Variants in ZMIZ2 observed in about 807,000 individuals in gnomAD.
ZMIZ2 encodes zinc finger MIZ-type containing 2, also known as zinc finger MIZ domain-containing protein 2.
In ZMIZ2, 26 loss-of-function variants were observed where a neutral mutation model predicts 93.9. That is an observed-to-expected ratio of 0.28 (90% confidence interval 0.20 to 0.38). The LOEUF is 0.38. ZMIZ2 is among the 10% of genes least tolerant of loss of function. The pLI, the probability that ZMIZ2 is intolerant of heterozygous loss-of-function variation, is 1.00. For missense variants in ZMIZ2, 1,023 were observed against 1,235.0 expected (o/e 0.83, Z 2.57); for synonymous variants, 485 against 516.4 (o/e 0.94, Z 0.82).
In ZMIZ2 at chr7:44,760,540, C is replaced by G; in HGVS notation, c.1187C>G (p.Pro396Arg). The change falls in exon 9 of 19, where the codon CCC becomes CGC. Residue 396 changes from proline to arginine, a missense_variant. Around this residue, in one of 3 missense-constraint regions of ZMIZ2, gnomAD observed 656 missense variants for 777.1 expected, o/e 0.84. Coordinates refer to ENST00000309315, the MANE Select transcript of ZMIZ2 (RefSeq NM_031449.4). The part of the protein sequence containing the change: ...YMSPNQEVKS[P>R]FLPDLKPNLN... ...TCACCAAACCAAGAGGTCAAGTCTCCCTTCTTGCCTGATCTCAAGCCCAAC... is the reference window on the plus strand; with the variant it reads ...TCACCAAACCAAGAGGTCAAGTCTCGCTTCTTGCCTGATCTCAAGCCCAAC... 6.2e-7 allele frequency: 1 copy of G among 1,614,128 alleles called. No homozygotes were observed.
rs1248632425 is a variant in ZMIZ2, at chr7:44,761,766, C to T, written c.1457C>T (p.Ser486Leu). The change falls in exon 11 of 19, where the codon TCG (serine) becomes TTG (leucine). Residue 486 changes from serine (S) to leucine (L), a missense_variant. By Grantham distance (145) the Ser-to-Leu change is moderately radical (BLOSUM62 -2). Transcript: ENST00000309315. The surrounding 1 kb of genome is among the most constrained non-coding windows in gnomAD (Gnocchi z 5.8). Reference protein sequence around the residue: ...DRQMNTNWPASVQVSVNATPL... With the variant: ...DRQMNTNWPALVQVSVNATPL... ...CAGATGAACACCAACTGGCCAGCCT[C>T]GGTGCAGGTCAGCGTCAATGCCACG... is the stretch of plus-strand genomic sequence containing the variant. 6.2e-7 allele frequency: 1 copy of T among 1,614,030 alleles called. No homozygotes were observed. Among genetic ancestry groups the T allele is most frequent in the South Asian group, 1.1e-5 (1 of 91,080 alleles).
intron 6 of ZMIZ2, among the ~76,000 whole-genome samples, chr7:44,758,603 G>A (rs546062469): frequency 6.0e-5 from 9 of 151,060 alleles, no homozygotes; most frequent in African/African-American, 1.5e-4. Flanking sequence ...TGGTGAAACC[G>A]CATGTCTACT....
At chr7:44,755,891 G>C (rs1790546794) in intron 1 of ZMIZ2, among the ~76,000 whole-genome samples, 2 of 152,170 alleles carry the variant, frequency 1.3e-5, no homozygotes, top group South Asian at 4.1e-4. Flanking sequence ...GGGAGAGTGG[G>C]GAAAGTATTT....
chr7:44,761,610 C>A lies in ZMIZ2; in HGVS notation c.1385+17C>A, dbSNP rs1266868087. 1.1e-5 allele frequency: 18 copies of A among 1,613,614 alleles called. No homozygotes were observed. The highest frequency in any genetic ancestry group is 1.5e-5 in the Non-Finnish European group (18 of 1,179,822). On this transcript the variant is annotated intron_variant, in intron 10 of 18. Transcript: ENST00000309315. The surrounding 1 kb of genome is among the most constrained non-coding windows in gnomAD (Gnocchi z 5.8). ...GATAATGAGGTGAGCTCCGCCTGGC[C>A]CCCACCTGACCCCCACGAGGCTCTG...
chr7:44,761,622 C>T lies in ZMIZ2; in HGVS notation c.1385+29C>T, dbSNP rs1424019667. The T allele has an allele frequency of 1.2e-6, 2 of 1,613,430 alleles. No homozygotes were observed. The highest frequency in any genetic ancestry group is 2.2e-5 in the East Asian group (1 of 44,870). On this transcript the variant is annotated intron_variant, in intron 10 of 18. Coordinates refer to ENST00000309315, the MANE Select transcript of ZMIZ2 (RefSeq NM_031449.4). The surrounding 1 kb of genome is among the most constrained non-coding windows in gnomAD (Gnocchi z 5.8). ...AGCTCCGCCTGGCCCCCACCTGACC[C>T]CCACGAGGCTCTGTTCCTCCTCCCA... is the stretch of plus-strand genomic sequence containing the variant.
Position 44,769,373 on chromosome 7 carries a change from A to T in ZMIZ2, c.*1750A>T, listed in dbSNP as rs1428496039. On this transcript the variant is annotated 3_prime_UTR_variant, in exon 19 of 19. Coordinates refer to ENST00000309315, the MANE Select transcript of ZMIZ2 (RefSeq NM_031449.4). ...CTGCAGGGAGGAGGAGGAGGGAGGT[A>T]TCTGGTGTGAGCGTTGCCCCTGCGA... The T allele has an allele frequency of 6.5e-6, 1 of 152,898 alleles. No homozygotes were observed. The highest frequency in any genetic ancestry group is 2.4e-5 in the African/African-American group (1 of 41,458). 9.5% of individuals were successfully genotyped at this position (152,898 alleles called of 1,614,324 possible).
Position 44,761,808 on chromosome 7 carries a change from G to A in ZMIZ2, c.1499G>A (p.Arg500His), listed in dbSNP as rs1332630342. ...SVNATPLTIE[R>H]GDNKTSHKPL... ...AATGCCACGCCGCTCACCATCGAGCGTGGCGACAACAAGACCTCGCACAAG... is the reference window on the plus strand; with the variant it reads ...AATGCCACGCCGCTCACCATCGAGCATGGCGACAACAAGACCTCGCACAAG... The change falls in exon 11 of 19, where the codon CGT becomes CAT. Residue 500 changes from arginine (R) to histidine (H), a missense_variant. Around this residue, in one of 3 missense-constraint regions of ZMIZ2, gnomAD observed 656 missense variants for 777.1 expected, o/e 0.84. Transcript: ENST00000309315. This position sits in a 1 kb window ranked among gnomAD's most constrained non-coding sequence, Gnocchi z 5.8. 6.2e-7 allele frequency: 1 copy of A among 1,613,796 alleles called. No homozygotes were observed. Among genetic ancestry groups the A allele is most frequent in the South Asian group, 1.1e-5 (1 of 91,090 alleles).
intron 6 of ZMIZ2, 78 bp downstream of exon 6, chr7:44,758,186 G>C: frequency 6.9e-7 from 1 of 1,443,000 alleles, no homozygotes; most frequent in Non-Finnish European, 9.1e-7. Flanking sequence ...CTGTGGTAAA[G>C]AGCAGGCTTC....
In ZMIZ2 at chr7:44,767,800, T is replaced by C; in HGVS notation, c.*177T>C. ...CCCTGAATTGGAAGCAGCCCTGTGC[T>C]CGATGGGAGGGGCTCCCAGGCCGGC... On this transcript the variant is annotated 3_prime_UTR_variant, in exon 19 of 19. Coordinates refer to ENST00000309315, the MANE Select transcript of ZMIZ2 (RefSeq NM_031449.4). 1.6e-6 allele frequency: 1 copy of C among 626,676 alleles called. No individual in the cohort carries two copies. Among genetic ancestry groups the C allele is most frequent in the Non-Finnish European group, 2.8e-6 (1 of 356,420 alleles). The allele number at this position is 626,676 out of a possible 1,614,324, so 38.8% of individuals were successfully genotyped here.
Position 44,761,353 on chromosome 7 carries a change from C to G in ZMIZ2, c.1241-96C>G, listed in dbSNP as rs1430678064. On this transcript the variant is annotated intron_variant, in intron 9 of 18. Transcript: ENST00000309315. The surrounding 1 kb of genome is among the most constrained non-coding windows in gnomAD (Gnocchi z 5.8). ...GGGGCTCCCTTCACCAAGGTCCCTG[C>G]GGGGAAGGTGGCTGGGGAGCCGCTG... is the stretch of plus-strand genomic sequence containing the variant. 5 of 1,534,388 alleles carry G rather than the reference C, an allele frequency of 3.3e-6. No individual in the cohort carries two copies. The highest frequency in any genetic ancestry group is 4.4e-6 in the Non-Finnish European group (5 of 1,145,798).
At chr7:44,756,722 T>C (rs368599745) in intron 3 of ZMIZ2, 183 bp downstream of exon 3, 1 of 774,468 alleles carries the variant, frequency 1.3e-6, no homozygotes, top group Non-Finnish European at 2.1e-6. Context: ...TGGTTCTCTT[T>C]CCACACCTGC....
chr7:44,756,196 G>A lies in ZMIZ2; in HGVS notation c.-54G>A, dbSNP rs183756482. The A allele has an allele frequency of 1.1e-4, 185 of 1,613,154 alleles. No homozygotes were observed. In the East Asian group the frequency reaches 3.3e-3, roughly 29 times the overall value. On this transcript the variant is annotated 5_prime_UTR_variant, in exon 2 of 19. Transcript: ENST00000309315. Reference sequence around the variant, plus strand: ...TCCTTCCTGTCGGGCAGCCAGAGCAGCTGAGTTCCAGATAAAAACTGTCAG... The same window carrying A: ...TCCTTCCTGTCGGGCAGCCAGAGCAACTGAGTTCCAGATAAAAACTGTCAG...
At position 44,761,291 on chromosome 7, in the gene ZMIZ2, G is replaced by A. The variant is rs1253602915; in HGVS notation, c.1241-158G>A. 5.5e-6 allele frequency: 4 copies of A among 726,064 alleles called. No individual in the cohort carries two copies. The South Asian group carries it at 1.9e-4, about 34-fold the overall frequency. The allele number at this position is 726,064 out of a possible 1,614,324, so 45.0% of individuals were successfully genotyped here. On this transcript the variant is annotated intron_variant, in intron 9 of 18. Coordinates refer to ENST00000309315, the MANE Select transcript of ZMIZ2 (RefSeq NM_031449.4). The surrounding 1 kb of genome is among the most constrained non-coding windows in gnomAD (Gnocchi z 5.8). ...ATGCTGCCCATGGCCCCAGCCCCAG[G>A]GCACCACTCAGGCCTGCCAAGCAGT...
Position 44,765,807 on chromosome 7 carries a change from C to T in ZMIZ2, c.2242+228C>T, listed in dbSNP as rs1212987804. 1.5e-5 allele frequency: 15 copies of T among 1,006,524 alleles called. 1 individual carries two copies. The highest frequency in any genetic ancestry group is 2.1e-5 in the Non-Finnish European group (15 of 712,346). 62.3% of individuals were successfully genotyped at this position (1,006,524 alleles called of 1,614,324 possible). A position where few individuals can be genotyped will look rare whatever the true frequency, so the allele number is the denominator to read the frequency against. On this transcript the variant is annotated intron_variant, in intron 16 of 18. Transcript: ENST00000309315. The surrounding 1 kb of genome is among the most constrained non-coding windows in gnomAD (Gnocchi z 4.1). Reference sequence around the variant, plus strand: ...GGTCCCAGGAAACAGACAGTGGGGCCTCCACCCTTCCTTCCCCGTTTGGAT... The same window carrying T: ...GGTCCCAGGAAACAGACAGTGGGGCTTCCACCCTTCCTTCCCCGTTTGGAT...
rs1242378220 is a variant in ZMIZ2 at position 44,766,143 on chromosome 7, G to A, written c.2243-21G>A. 6.2e-7 allele frequency: 1 copy of A among 1,602,360 alleles called. No homozygotes were observed. The highest frequency in any genetic ancestry group is 1.7e-5 in the Admixed American group (1 of 58,934). On this transcript the variant is annotated intron_variant, in intron 16 of 18. Transcript: ENST00000309315. This position sits in a 1 kb window ranked among gnomAD's most constrained non-coding sequence, Gnocchi z 4.4. ...GTGGCCTTCCCCAGCCCTCACCCAG[G>A]CCCCGACTCTCCTCTCACAGGTTCC...
At position 44,758,031 on chromosome 7, in the gene ZMIZ2, C is replaced by G; in HGVS notation, c.736C>G (p.Leu246Val). The change falls in exon 6 of 19, where the codon CTG (leucine) becomes GTG (valine). Residue 246 changes from leucine to valine, a missense_variant. By Grantham distance (32) the Leu-to-Val change is conservative. This residue lies in a region of ZMIZ2 where 656 missense variants were observed against 777.1 expected (regional missense o/e 0.84). Coordinates refer to ENST00000309315, the MANE Select transcript of ZMIZ2 (RefSeq NM_031449.4). ...GMTPLYAGQRLPQHGYPGPPQ... is the reference protein window; with the variant it reads ...GMTPLYAGQRVPQHGYPGPPQ... ...GACACCCTTGTATGCAGGGCAGCGT[C>G]TGCCCCAACATGGGTATCCTGGGCC... 6.2e-7 allele frequency: 1 copy of G among 1,610,884 alleles called. No individual in the cohort carries two copies. The highest frequency in any genetic ancestry group is 1.1e-5 in the South Asian group (1 of 90,116).
rs184280918 is a variant in ZMIZ2, at chr7:44,757,857, G to A, written c.562G>A (p.Gly188Arg). The A allele has an allele frequency of 2.4e-5, 37 of 1,574,286 alleles. No individual in the cohort carries two copies. Among genetic ancestry groups the A allele is most frequent in the Admixed American group, 1.1e-4 (6 of 53,276 alleles). Residue 188 changes from glycine (G) to arginine (R), a missense_variant, in exon 6 of 19, where the codon GGA becomes AGA. By Grantham distance (125) the Gly-to-Arg change is moderately radical. This residue lies in a region of ZMIZ2 where 656 missense variants were observed against 777.1 expected (regional missense o/e 0.84). Transcript: ENST00000309315. ...TTTTTTCTCTTCCTAGATGGGGGCC[G>A]GACAGTCTTTTAACAGCCAGTTTCT... ...ELSQYGAMGA[G>R]QSFNSQFLQH...
rs1277108337 is a variant in ZMIZ2, at chr7:44,763,377, G to A, written c.1824G>A (p.Gln608=). The A allele has an allele frequency of 6.2e-7, 1 of 1,614,144 alleles. No homozygotes were observed. Among genetic ancestry groups the A allele is most frequent in the South Asian group, 1.1e-5 (1 of 91,078 alleles). Residue 608 remains glutamine (Q), a synonymous_variant, in exon 13 of 19, where the codon CAG becomes CAA. Transcript: ENST00000309315. This position sits in a 1 kb window ranked among gnomAD's most constrained non-coding sequence, Gnocchi z 5.6. The part of the protein sequence containing the change: ...LKCPITFRRI[Q]LPARGHDCRH... ...GCCCCATCACCTTCCGCAGGATCCA[G>A]CTCCCTGCCCGAGGTCATGACTGTC...
Position 44,767,697 on chromosome 7 carries a change from C to G in ZMIZ2, c.*74C>G. On this transcript the variant is annotated 3_prime_UTR_variant, in exon 19 of 19. Transcript: ENST00000309315. Reference sequence around the variant, plus strand: ...ACAGCCCTGCCCTTCATGCCCAGCCCCATGGGACACCCGGTGGTCTTTCCC... The same window carrying G: ...ACAGCCCTGCCCTTCATGCCCAGCCGCATGGGACACCCGGTGGTCTTTCCC... The G allele has an allele frequency of 7.4e-7, 1 of 1,342,560 alleles. No homozygotes were observed. Among genetic ancestry groups the G allele is most frequent in the Non-Finnish European group, 1.1e-6 (1 of 940,982 alleles). The allele number at this position is 1,342,560 out of a possible 1,614,324, so 83.2% of individuals were successfully genotyped here.
Sources: allele counts gnomAD v4.1 joint callset (sites outside exome capture counted in the v4.1 genomes callset), GRCh38; gene constraint gnomAD v4.1.1; regional missense constraint gnomAD v4.1.1; non-coding constraint Gnocchi (gnomAD v3.1); transcripts MANE v1.5; gene names NCBI Gene and HGNC (gene_info 2026-07-23, HGNC 2026-07-21).